The following CDKN2B-AS1 variants were observed in gnomAD, a reference collection of about 807,000 sequenced individuals.
The protein encoded by CDKN2B-AS1 is CDKN2B and CDKN2A antisense cis and trans regulatory RNA 1, also known as CDKN2B antisense RNA 1 (non-protein coding).
intron 4 of CDKN2B-AS1, among the ~76,000 whole-genome samples, chr9:22,076,475 A>C (rs1170050227): frequency 6.6e-6 from 1 of 152,218 alleles, no homozygotes; most frequent in East Asian, 1.9e-4. Flanking sequence ...AGTAAAAAGA[A>C]ACAGGTAAAA....
At chr9:22,069,539 C>T (rs537412429) in intron 4 of CDKN2B-AS1, among the ~76,000 whole-genome samples, 2 of 152,222 alleles carry the variant, frequency 1.3e-5, no homozygotes, top group South Asian at 2.1e-4. Context: ...ATTTAATAGA[C>T]ATTATAGTTA....
At chr9:22,095,386 A>T in intron 4 of CDKN2B-AS1, among the ~76,000 whole-genome samples, 1 of 144,542 alleles carries the variant, frequency 6.9e-6, no homozygotes, top group Non-Finnish European at 1.5e-5. Context: ...TTCAGTTTCC[A>T]TGTAGGTGAG....
rs1821095258 is a variant in CDKN2B-AS1 at position 22,005,016 on chromosome 9, T to G, written n.29+9855T>G. On this transcript the variant is annotated intron_variant and non_coding_transcript_variant, in intron 1 of 4. Transcript: ENST00000650946. This position sits in a 1 kb window ranked among gnomAD's most constrained non-coding sequence, Gnocchi z 4.9. ...GCCACTAGTTATGTTACTTAAAATC[T>G]CCCCATTAAATAAGACAGTTGCTGA... 4.3e-6 allele frequency: 1 copy of G among 233,082 alleles called. No homozygotes were observed. The highest frequency in any genetic ancestry group is 5.6e-5 in the Admixed American group (1 of 17,776). 14.4% of individuals were successfully genotyped at this position (233,082 alleles called of 1,614,324 possible). A position where few individuals can be genotyped will look rare whatever the true frequency, so the allele number is the denominator to read the frequency against.
At chr9:22,118,157 C>T (rs1419934625) in intron 4 of CDKN2B-AS1, 3 of 152,186 alleles carry the variant, frequency 2.0e-5, no homozygotes, top group Admixed American at 1.3e-4. Context: ...TTGTCATGAG[C>T]CATTCTCTCC....
rs1821379948 is a variant in CDKN2B-AS1, at chr9:22,009,369, C to T, written n.29+14208C>T. On this transcript the variant is annotated intron_variant and non_coding_transcript_variant, in intron 1 of 4. Coordinates refer to ENST00000650946, the Ensembl canonical transcript of CDKN2B-AS1. Reference sequence around the variant, plus strand: ...CCAAGGGGCCGGCGTCTCCCCACCCCCTTAGGCTCCGCCCCCTGTCCGCTG... The same window carrying T: ...CCAAGGGGCCGGCGTCTCCCCACCCTCTTAGGCTCCGCCCCCTGTCCGCTG... 1.4e-5 allele frequency: 5 copies of T among 351,962 alleles called. No homozygotes were observed. In the South Asian group the frequency reaches 1.8e-4, roughly 13 times the overall value. The allele number at this position is 351,962 out of a possible 1,614,324, so 21.8% of individuals were successfully genotyped here.
chr9:22,071,368 T>G (rs1360541656), intron 4 of CDKN2B-AS1, among the ~76,000 whole-genome samples: 2 of 145,056 alleles, frequency 1.4e-5, no homozygotes, highest in Admixed American at 1.5e-4. Context: ...TGCGCGATCT[T>G]GGCTCACAGC....
At chr9:22,003,779 A>G (rs1164845783) in intron 1 of CDKN2B-AS1, 3 of 232,112 alleles carry the variant, frequency 1.3e-5, no homozygotes, top group Non-Finnish European at 2.6e-5. Flanking sequence ...TATTGTTGAC[A>G]TTTTAAAATA....
intron 1 of CDKN2B-AS1, among the ~76,000 whole-genome samples, chr9:22,024,022 T>A (rs1238728982): frequency 6.6e-6 from 1 of 152,174 alleles, no homozygotes; most frequent in Admixed American, 6.5e-5. Context: ...GTACTCTTGA[T>A]TATTGAGTTT....
chr9:22,003,295 C>A (rs1055861183), intron 1 of CDKN2B-AS1: 41 of 201,252 alleles, frequency 2.0e-4, no homozygotes, highest in African/African-American at 9.4e-4. Context: ...ACTAACAAAA[C>A]AAACAAAAAA....
At chr9:22,056,247 T>TTTTTTTTTTTTTTTTTTTTC (rs397743274) in intron 3 of CDKN2B-AS1, 25 of 132,650 alleles carry the variant, frequency 1.9e-4, no homozygotes, top group Non-Finnish European at 3.8e-4. Context: ...TTTTTTTTTT[T>TTTTTTTTTTTTTTTTTTTTC]CCAGTAGAGA....
intron 4 of CDKN2B-AS1, among the ~76,000 whole-genome samples, chr9:22,092,033 G>GC (rs1461106445): frequency 1.3e-5 from 2 of 148,996 alleles, no homozygotes; most frequent in African/African-American, 5.2e-5. Flanking sequence ...TTAGCATGAA[G>GC]GTTGTTGAAT....
chr9:22,109,829 G>A (rs752702352), intron 4 of CDKN2B-AS1, among the ~76,000 whole-genome samples: 2 of 152,128 alleles, frequency 1.3e-5, no homozygotes, highest in African/African-American at 2.4e-5. Context: ...CCCTTTGAAG[G>A]GAGCTGGTGC....
At chr9:22,037,550 C>T (rs1822739659) in intron 1 of CDKN2B-AS1, among the ~76,000 whole-genome samples, 1 of 152,056 alleles carries the variant, frequency 6.6e-6, no homozygotes, top group African/African-American at 2.4e-5. Context: ...GGAAACAGGG[C>T]AGGCATCTTC....
intron 4 of CDKN2B-AS1, among the ~76,000 whole-genome samples, chr9:22,072,410 A>C (rs1454353553): frequency 6.6e-6 from 1 of 152,174 alleles, no homozygotes; most frequent in African/African-American, 2.4e-5. Flanking sequence ...TTTCAATCTC[A>C]TTTGAAGAGT....
intron 1 of CDKN2B-AS1, chr9:22,012,405 A>G: frequency 1.3e-6 from 1 of 797,332 alleles, no homozygotes; most frequent in Non-Finnish European, 2.2e-6. Flanking sequence ...TCACTCTTCC[A>G]GCTCACCTAG....
At chr9:22,116,861 A>G (rs1297281236) in intron 4 of CDKN2B-AS1, among the ~76,000 whole-genome samples, 2 of 152,250 alleles carry the variant, frequency 1.3e-5, no homozygotes, top group Non-Finnish European at 2.9e-5. Context: ...ACCAAATAGT[A>G]AAACCATTCT....
At chr9:22,027,972 G>C (rs1264907161) in intron 1 of CDKN2B-AS1, among the ~76,000 whole-genome samples, 1 of 152,076 alleles carries the variant, frequency 6.6e-6, no homozygotes, top group Non-Finnish European at 1.5e-5. Flanking sequence ...AAACATACAA[G>C]ATCTGGCTTT....
chr9:22,054,407 C>G (rs1190674651), intron 3 of CDKN2B-AS1, among the ~76,000 whole-genome samples: 1 of 152,186 alleles, frequency 6.6e-6, no homozygotes, highest in Non-Finnish European at 1.5e-5. Context: ...CCAGGCAATA[C>G]TTGAAAGGCC....
At chr9:22,020,339 C>G (rs1414254625) in intron 1 of CDKN2B-AS1, among the ~76,000 whole-genome samples, 2 of 152,142 alleles carry the variant, frequency 1.3e-5, no homozygotes, top group Non-Finnish European at 2.9e-5. Context: ...AATAAACATA[C>G]ACATGCAAGT....
Sources: allele counts gnomAD v4.1 joint callset (sites outside exome capture counted in the v4.1 genomes callset), GRCh38; gene constraint gnomAD v4.1.1; non-coding constraint Gnocchi (gnomAD v3.1); transcripts MANE v1.5; gene names NCBI Gene and HGNC (gene_info 2026-07-23, HGNC 2026-07-21).